PARD3: variants seen among roughly 807,000 people sequenced by gnomAD.
PARD3 encodes par-3 family cell polarity regulator.
Under a neutral mutation model 155.4 loss-of-function variants are expected in PARD3, and 75 were observed. The ratio of observed to expected loss-of-function variants is 0.48; its 90% confidence interval spans 0.40 to 0.58. The LOEUF is 0.58. PARD3 is among the 20% of genes least tolerant of loss of function. PARD3 has a pLI of 0.00. For synonymous variants in PARD3, 576 were observed against 610.5 expected (o/e 0.94, Z 0.83); for missense variants, 1,642 against 1,721.7 (o/e 0.95, Z 0.82).
At chr10:34,359,081 C>G in intron 14 of PARD3, 66 bp downstream of exon 14, 1 of 1,346,682 alleles carries the variant, frequency 7.4e-7, no homozygotes, top group East Asian at 2.3e-5. Context: ...ACCCTTTGCC[C>G]AAAATTAGGA....
chr10:34,655,945 C>T (rs2093155827), intron 2 of PARD3, among the ~76,000 whole-genome samples: 1 of 152,138 alleles, frequency 6.6e-6, no homozygotes, highest in Non-Finnish European at 1.5e-5. Context: ...AAATTCAGTT[C>T]TGAACTGAAT....
chr10:34,506,996 T>C (rs1589814709), intron 3 of PARD3, among the ~76,000 whole-genome samples: 1 of 152,196 alleles, frequency 6.6e-6, no homozygotes, highest in African/African-American at 2.4e-5. Flanking sequence ...AATTTTCACC[T>C]GCGCCTCCAG....
At chr10:34,405,471 T>C (rs372229109) in intron 5 of PARD3, among the ~76,000 whole-genome samples, 36 of 152,274 alleles carry the variant, frequency 2.4e-4, no homozygotes, top group East Asian at 1.2e-3. Context: ...TGCTTTGCTA[T>C]ATACAAAATA....
intron 5 of PARD3, among the ~76,000 whole-genome samples, chr10:34,447,666 G>T (rs187543783): frequency 6.6e-6 from 1 of 151,354 alleles, no homozygotes; most frequent in Non-Finnish European, 1.5e-5. Context: ...TTAGCTGGGC[G>T]TGGTGGTGGG....
chr10:34,227,819 AATAT>A (rs1298907711), intron 22 of PARD3, among the ~76,000 whole-genome samples: 2 of 130,764 alleles, frequency 1.5e-5, no homozygotes, highest in South Asian at 4.6e-4. Flanking sequence ...CATTACTGGG[AATAT>A]ATATATATAT....
chr10:34,303,741 C>A (rs1957268062), intron 20 of PARD3, among the ~76,000 whole-genome samples: 1 of 151,940 alleles, frequency 6.6e-6, no homozygotes, highest in South Asian at 2.1e-4. Flanking sequence ...AGGAGCAAAG[C>A]CCTGAGAGGT....
intron 2 of PARD3, among the ~76,000 whole-genome samples, chr10:34,661,433 C>G (rs1297391222): frequency 6.6e-6 from 1 of 152,182 alleles, no homozygotes; most frequent in East Asian, 1.9e-4. Flanking sequence ...GATTAGGGTC[C>G]TTTTCCCCAA....
chr10:34,220,561 TA>T (rs761272994), intron 22 of PARD3, among the ~76,000 whole-genome samples: 30 of 152,122 alleles, frequency 2.0e-4, no homozygotes, highest in Non-Finnish European at 4.0e-4. Context: ...GCCCTCTGAA[TA>T]GGGGGTGATT....
chr10:34,369,955 T>C (rs949432947), intron 12 of PARD3, among the ~76,000 whole-genome samples: 1 of 152,122 alleles, frequency 6.6e-6, no homozygotes, highest in Non-Finnish European at 1.5e-5. Context: ...TGCCAAGAAC[T>C]AGCAATATTC....
At chr10:34,176,974 G>C (rs1310568695) in intron 22 of PARD3, among the ~76,000 whole-genome samples, 5 of 148,460 alleles carry the variant, frequency 3.4e-5, no homozygotes, top group African/African-American at 1.2e-4. Flanking sequence ...TGTGTGTCAG[G>C]GTATGTGTGT....
At chr10:34,312,217 A>C in intron 20 of PARD3, 1 of 1,516,476 alleles carries the variant, frequency 6.6e-7, no homozygotes, top group Non-Finnish European at 8.9e-7. Flanking sequence ...CTAAACCATC[A>C]AACTGCTGAT....
chr10:34,548,298 G>A (rs1227417649), intron 2 of PARD3, among the ~76,000 whole-genome samples: 1 of 152,016 alleles, frequency 6.6e-6, no homozygotes, highest in Non-Finnish European at 1.5e-5. Flanking sequence ...AGACTAGCCT[G>A]GGCAATGTGG....
chr10:34,349,798 G>A (rs1837844741), intron 14 of PARD3, among the ~76,000 whole-genome samples: 1 of 151,986 alleles, frequency 6.6e-6, no homozygotes, highest in African/African-American at 2.4e-5. Context: ...GTATTTAATT[G>A]AACTGTATAA....
At chr10:34,167,319 C>T (rs146508506) in intron 22 of PARD3, among the ~76,000 whole-genome samples, 79 of 152,202 alleles carry the variant, frequency 5.2e-4, no homozygotes, top group African/African-American at 1.8e-3. Flanking sequence ...ACGGGTCTGC[C>T]GGCATGTGCA....
intron 1 of PARD3, among the ~76,000 whole-genome samples, chr10:34,707,650 G>A (rs564636923): frequency 5.3e-5 from 8 of 152,188 alleles, no homozygotes; most frequent in Admixed American, 1.3e-4. Flanking sequence ...TCCAAACTTC[G>A]GAAATCAAAC....
Position 34,737,067 on chromosome 10 carries a change from A to C in PARD3, c.121-40648T>G, listed in dbSNP as rs191596599. On this transcript the variant is annotated intron_variant, in intron 1 of 24. Coordinates refer to ENST00000374788, the MANE Select transcript of PARD3 (RefSeq NM_001184785.2). ...ACGGTTGAGATGCTCCACAATCCCA[A>C]CTGAGAACAGCAAGACACAGTTACA... Among the ~76,000 whole-genome samples the C allele has an allele frequency of 5.9e-5, 9 of 152,282 alleles. No homozygotes were observed. The East Asian group carries it at 1.7e-3, about 29-fold the overall frequency.
intron 5 of PARD3, among the ~76,000 whole-genome samples, chr10:34,419,656 G>A (rs776598516): frequency 5.3e-5 from 8 of 152,120 alleles, no homozygotes; most frequent in Non-Finnish European, 1.0e-4. Context: ...GCAGTATTTC[G>A]CCATTATTAA....
intron 22 of PARD3, among the ~76,000 whole-genome samples, chr10:34,179,170 A>G (rs2582852): frequency 0.36 from 28,347 of 78,386 alleles, 3,397 homozygotes; most frequent in Non-Finnish European, 0.41. Context: ...GCGTGCGCGC[A>G]CACACACACA....
intron 22 of PARD3, among the ~76,000 whole-genome samples, chr10:34,268,488 T>C (rs1200589845): frequency 2.7e-5 from 4 of 145,862 alleles, no homozygotes; most frequent in East Asian, 2.0e-4. Context: ...ACTATGTTTA[T>C]TGCGGCACTA....
Sources: gnomAD v4.1 joint callset for allele counts (sites outside exome capture counted in the v4.1 genomes callset) on GRCh38, gnomAD v4.1.1 for gene constraint, MANE v1.5 for transcripts, NCBI Gene and HGNC (gene_info 2026-07-23, HGNC 2026-07-21) for gene names.